Variants in WWOX observed in about 807,000 individuals in gnomAD.
WWOX encodes the protein WW domain-containing oxidoreductase.
Under a neutral mutation model 46.2 loss-of-function variants are expected in WWOX, and 69 were observed. The ratio of observed to expected loss-of-function variants is 1.49; its 90% CI spans 1.23 to 1.82. The LOEUF (loss-of-function observed/expected upper bound fraction) is 1.82. Among genes scored for constraint, WWOX ranks in the 40% most tolerant of loss-of-function variants. The pLI is 0.00. For missense variants in WWOX, 919 were observed against 542.6 expected (o/e 1.69, Z -6.89); for synonymous variants, 359 against 202.6 (o/e 1.77, Z -6.56).
intron 4 of WWOX, 146 bp from the exon 5 acceptor site, chr16:78,164,037 G>T: frequency 1.3e-6 from 1 of 765,778 alleles, no homozygotes; most frequent in Non-Finnish European, 2.3e-6. Context: ...AATGTCTCCA[G>T]ACATTTGCTT....
intron 8 of WWOX, among the ~76,000 whole-genome samples, chr16:79,086,053 C>T (rs1405568707): frequency 1.5e-5 from 2 of 137,228 alleles, no homozygotes; most frequent in Non-Finnish European, 1.5e-5. Context: ...ACGTGGGCAA[C>T]AGTGTGAGAC....
intron 8 of WWOX, among the ~76,000 whole-genome samples, chr16:78,821,748 A>G (rs2051500908): frequency 6.6e-6 from 1 of 152,222 alleles, no homozygotes; most frequent in South Asian, 2.1e-4. Flanking sequence ...GGCTGGACTG[A>G]GTCTTTGAGA....
intron 8 of WWOX, among the ~76,000 whole-genome samples, chr16:78,737,300 AAT>A (rs1159742306): frequency 6.8e-6 from 1 of 146,500 alleles, no homozygotes; most frequent in African/African-American, 2.6e-5. Context: ...ATATGTATAT[AAT>A]ATATATATTT....
intron 8 of WWOX, among the ~76,000 whole-genome samples, chr16:78,972,730 C>A (rs1170445703): frequency 2.0e-5 from 3 of 152,204 alleles, no homozygotes; most frequent in Non-Finnish European, 1.5e-5. Flanking sequence ...CCCAAGACTC[C>A]CACTTTATTA....
intron 8 of WWOX, among the ~76,000 whole-genome samples, chr16:78,788,073 A>G (rs1167014446): frequency 6.6e-6 from 1 of 152,118 alleles, no homozygotes; most frequent in African/African-American, 2.4e-5. Context: ...CTTTGCAAAC[A>G]TTTTCTCTCA....
At chr16:78,925,381 T>G (rs2045475286) in intron 8 of WWOX, among the ~76,000 whole-genome samples, 1 of 152,196 alleles carries the variant, frequency 6.6e-6, no homozygotes, top group Non-Finnish European at 1.5e-5. Flanking sequence ...TCTCAGTTAT[T>G]GTTTGAAAGG....
intron 8 of WWOX, among the ~76,000 whole-genome samples, chr16:79,174,373 G>T (rs1447243619): frequency 6.6e-6 from 1 of 152,236 alleles, no homozygotes; most frequent in Admixed American, 6.5e-5. Flanking sequence ...GACTAGCCGG[G>T]TGTGGTGGCT....
At chr16:79,090,513 G>T (rs1419556975) in intron 8 of WWOX, among the ~76,000 whole-genome samples, 2 of 152,122 alleles carry the variant, frequency 1.3e-5, no homozygotes, top group Non-Finnish European at 2.9e-5. Context: ...AGACGTGAAA[G>T]AAATCAAGAC....
intron 8 of WWOX, among the ~76,000 whole-genome samples, chr16:78,561,205 C>G (rs775514880): frequency 4.6e-5 from 7 of 152,108 alleles, no homozygotes; most frequent in Admixed American, 3.9e-4. Context: ...CCCCCTGCAT[C>G]TCAAAGCCAG....
At position 78,870,096 on chromosome 16, in the gene WWOX, A is replaced by G. The variant is rs149551003; in HGVS notation, c.1057-341512A>G. 7.0e-4 allele frequency among the ~76,000 whole-genome samples: 107 copies of G among 152,290 alleles called. 1 individual carries two copies. The highest frequency in any genetic ancestry group is 2.4e-3 in the African/African-American group (100 of 41,584). ...TTGGTCTGTCACCTGTCCATGTGTA[A>G]GGCCAGGCCTAAGTGCTCTGACAGG... On this transcript the variant is annotated intron_variant, in intron 8 of 8. Transcript: ENST00000566780.
chr16:78,320,157 A>G (rs982728280), intron 5 of WWOX, among the ~76,000 whole-genome samples: 1 of 152,214 alleles, frequency 6.6e-6, no homozygotes, highest in African/African-American at 2.4e-5. Context: ...ACGTGACTGT[A>G]TACAGAGTCT....
At chr16:78,461,318 T>C (rs1158429808) in intron 8 of WWOX, among the ~76,000 whole-genome samples, 5 of 152,026 alleles carry the variant, frequency 3.3e-5, no homozygotes, top group African/African-American at 9.7e-5. Context: ...GCACTGTCCG[T>C]TTTCCAAATG....
chr16:78,996,644 C>T (rs952018858), intron 8 of WWOX, among the ~76,000 whole-genome samples: 1 of 152,120 alleles, frequency 6.6e-6, no homozygotes. Flanking sequence ...CAGGGAGACT[C>T]TAGTGTGCTC....
chr16:78,244,592 G>A (rs2037758952), intron 5 of WWOX, among the ~76,000 whole-genome samples: 1 of 152,138 alleles, frequency 6.6e-6, no homozygotes, highest in South Asian at 2.1e-4. Context: ...GTCCTTTTGA[G>A]TAACTATCTC....
intron 8 of WWOX, among the ~76,000 whole-genome samples, chr16:78,902,366 G>A (rs144398390): frequency 3.3e-4 from 51 of 152,310 alleles, no homozygotes; most frequent in Middle Eastern, 3.4e-3. Flanking sequence ...AAGAGTCACC[G>A]CTGATTAATT....
chr16:78,447,294 T>C (rs1214031560), intron 8 of WWOX, among the ~76,000 whole-genome samples: 1 of 151,998 alleles, frequency 6.6e-6, no homozygotes, highest in East Asian at 1.9e-4. Context: ...ATTTTAATAC[T>C]GTAATAAATT....
At chr16:78,754,686 G>T (rs994640529) in intron 8 of WWOX, among the ~76,000 whole-genome samples, 1 of 152,130 alleles carries the variant, frequency 6.6e-6, no homozygotes, top group Non-Finnish European at 1.5e-5. Context: ...TAAAGGCATG[G>T]CTTTGGTTAT....
At chr16:78,156,306 T>A (rs1461394533) in intron 4 of WWOX, among the ~76,000 whole-genome samples, 1 of 152,022 alleles carries the variant, frequency 6.6e-6, no homozygotes, top group Non-Finnish European at 1.5e-5. Flanking sequence ...ACAGGTTTGT[T>A]TGGGAAAATA....
At chr16:78,995,006 C>T (rs578084631) in intron 8 of WWOX, among the ~76,000 whole-genome samples, 1 of 130,198 alleles carries the variant, frequency 7.7e-6, no homozygotes, top group South Asian at 2.5e-4. Context: ...CTCCCAGCCT[C>T]TCTCCTTTCC....
Sources: gnomAD v4.1 joint callset for allele counts (sites outside exome capture counted in the v4.1 genomes callset) on GRCh38, gnomAD v4.1.1 for gene constraint, MANE v1.5 for transcripts, NCBI Gene and HGNC (gene_info 2026-07-23, HGNC 2026-07-21) for gene names.